ATG10: variants seen among roughly 807,000 people sequenced by gnomAD.
ATG10 encodes the protein autophagy related 10.
Under a neutral mutation model 32.1 loss-of-function variants are expected in ATG10, and 30 were observed. The ratio of observed to expected loss-of-function variants is 0.94; its 90% CI spans 0.70 to 1.27. The LOEUF is 1.27. Among genes scored for constraint, ATG10 ranks in the 50% most tolerant of loss-of-function variants. ATG10 has a pLI of 0.00. For synonymous variants in ATG10, 87 were observed against 91.5 expected, an observed-to-expected ratio of 0.95 and a Z score of 0.28; for missense variants, 233 against 262.3, an observed-to-expected ratio of 0.89 and a Z score of 0.77.
chr5:82,181,812 C>A (rs749938719), intron 5 of ATG10, among the ~76,000 whole-genome samples: 1 of 152,078 alleles, frequency 6.6e-6, no homozygotes, highest in Non-Finnish European at 1.5e-5. Flanking sequence ...TCTGTTCTTT[C>A]AGCATTTGTC....
chr5:82,004,457 G>A (rs1761934866), intron 2 of ATG10, among the ~76,000 whole-genome samples: 2 of 152,184 alleles, frequency 1.3e-5, no homozygotes, highest in South Asian at 4.1e-4. Context: ...CAAGGTAATT[G>A]ACACTATGGG....
intron 5 of ATG10, among the ~76,000 whole-genome samples, chr5:82,199,654 C>T (rs1294383387): frequency 6.6e-6 from 1 of 152,134 alleles, no homozygotes; most frequent in Non-Finnish European, 1.5e-5. Flanking sequence ...GCATACAGAA[C>T]ATTATTTTAA....
chr5:82,199,346 A>G (rs1172917180), intron 5 of ATG10, among the ~76,000 whole-genome samples: 1 of 151,856 alleles, frequency 6.6e-6, no homozygotes, highest in African/African-American at 2.4e-5. Flanking sequence ...TTGACAGCTA[A>G]CTAGACTTGC....
chr5:82,056,429 GTT>G (rs375167558), intron 2 of ATG10, among the ~76,000 whole-genome samples: 10 of 125,374 alleles, frequency 8.0e-5, no homozygotes, highest in Non-Finnish European at 9.9e-5. Context: ...TGGCTGCCAG[GTT>G]TTTTTTTTTT....
At chr5:82,164,630 A>T in intron 4 of ATG10, 93 bp downstream of exon 4, 1 of 1,279,226 alleles carries the variant, frequency 7.8e-7, no homozygotes, top group Non-Finnish European at 1.1e-6. Flanking sequence ...AGGAAAAAAA[A>T]TAGAGTTAAA....
At chr5:82,002,755 C>G (rs1057474972) in intron 2 of ATG10, among the ~76,000 whole-genome samples, 3 of 151,940 alleles carry the variant, frequency 2.0e-5, no homozygotes, top group African/African-American at 7.3e-5. Context: ...ATGCTATTTA[C>G]TTATATAAAA....
At chr5:82,169,786 G>A (rs1743732321) in intron 4 of ATG10, among the ~76,000 whole-genome samples, 1 of 152,140 alleles carries the variant, frequency 6.6e-6, no homozygotes. Context: ...AACAGTGAAA[G>A]TTATTTTTAA....
intron 3 of ATG10, among the ~76,000 whole-genome samples, chr5:82,095,066 A>T (rs1765009964): frequency 6.6e-6 from 1 of 152,182 alleles, no homozygotes; most frequent in Non-Finnish European, 1.5e-5. Flanking sequence ...TTTTATAGTC[A>T]GCTAAAAATT....
At chr5:82,011,222 C>T (rs1210418716) in intron 2 of ATG10, among the ~76,000 whole-genome samples, 1 of 152,048 alleles carries the variant, frequency 6.6e-6, no homozygotes, top group Non-Finnish European at 1.5e-5. Context: ...TAGATGGCTC[C>T]ACCAACCTCC....
intron 3 of ATG10, among the ~76,000 whole-genome samples, chr5:82,144,559 AT>A (rs1378451267): frequency 4.6e-5 from 7 of 151,660 alleles, no homozygotes; most frequent in African/African-American, 1.7e-4. Context: ...TGATTTTTAA[AT>A]TTGACCCATG....
chr5:82,211,530 T>G (rs1258204122), intron 5 of ATG10, among the ~76,000 whole-genome samples: 2 of 152,154 alleles, frequency 1.3e-5, no homozygotes, highest in Non-Finnish European at 2.9e-5. Context: ...GTTCCCTACA[T>G]TCTCTTTCAT....
intron 3 of ATG10, among the ~76,000 whole-genome samples, chr5:82,150,749 G>T (rs1289752839): frequency 6.6e-6 from 1 of 152,224 alleles, no homozygotes; most frequent in Non-Finnish European, 1.5e-5. Flanking sequence ...TCCAAAGGGT[G>T]CCAGAGAAGC....
At chr5:81,985,850 C>T (rs1269021600) in intron 1 of ATG10, among the ~76,000 whole-genome samples, 1 of 152,192 alleles carries the variant, frequency 6.6e-6, no homozygotes, top group Non-Finnish European at 1.5e-5. Context: ...GCAAGCTCCG[C>T]CTCCCGGGTT....
intron 5 of ATG10, among the ~76,000 whole-genome samples, chr5:82,209,151 G>C (rs569563641): frequency 3.9e-5 from 6 of 152,038 alleles, no homozygotes; most frequent in Admixed American, 3.9e-4. Context: ...TTCTTGGAAA[G>C]ATTTTTAATA....
chr5:82,098,887 G>A (rs942598137), intron 3 of ATG10, among the ~76,000 whole-genome samples: 1 of 152,186 alleles, frequency 6.6e-6, no homozygotes, highest in South Asian at 2.1e-4. Flanking sequence ...ATTTAGACTT[G>A]TTGGCAGCAT....
intron 2 of ATG10, among the ~76,000 whole-genome samples, chr5:82,013,735 T>A (rs952703100): frequency 5.3e-5 from 8 of 152,204 alleles, no homozygotes; most frequent in African/African-American, 1.9e-4. Context: ...TGGTTTTGAT[T>A]TACATTTCCC....
intron 5 of ATG10, among the ~76,000 whole-genome samples, chr5:82,214,934 A>AG (rs1289815517): frequency 6.6e-6 from 1 of 152,236 alleles, no homozygotes; most frequent in Non-Finnish European, 1.5e-5. Context: ...TGCACATAAG[A>AG]GGCTCCTGTT....
intron 3 of ATG10, among the ~76,000 whole-genome samples, chr5:82,074,893 G>T (rs568707824): frequency 6.6e-6 from 1 of 152,264 alleles, no homozygotes; most frequent in South Asian, 2.1e-4. Flanking sequence ...CTGCCAGAAA[G>T]CTCATTGTAA....
chr5:82,076,178 C>T (rs1339109103), intron 3 of ATG10, among the ~76,000 whole-genome samples: 1 of 152,014 alleles, frequency 6.6e-6, no homozygotes, highest in Non-Finnish European at 1.5e-5. Context: ...TTTTGAGCAT[C>T]GGGTACCGTG....
Sources: gnomAD v4.1 joint callset for allele counts (sites outside exome capture counted in the v4.1 genomes callset) on GRCh38, gnomAD v4.1.1 for gene constraint, MANE v1.5 for transcripts, NCBI Gene and HGNC (gene_info 2026-07-23, HGNC 2026-07-21) for gene names.